FBXL7: variants seen among roughly 807,000 people sequenced by gnomAD.
FBXL7 encodes F-box and leucine rich repeat protein 7.
Under a neutral mutation model 38.3 loss-of-function variants are expected in FBXL7, and 12 were observed. That is an observed-to-expected ratio of 0.31 (90% CI 0.20 to 0.51). The LOEUF (loss-of-function observed/expected upper bound fraction) is 0.51. Among genes scored for constraint, FBXL7 ranks in the 20% least tolerant of loss-of-function variants. The probability of loss-of-function intolerance (pLI) is 0.98; values close to 1 mark genes in which losing one functional copy is unlikely to be tolerated. For missense variants in FBXL7, 567 were observed against 676.4 expected (o/e 0.84, Z 1.79); for synonymous variants, 297 against 300.9 (o/e 0.99, Z 0.13).
At chr5:15,878,831 T>C (rs1442561957) in intron 2 of FBXL7, among the ~76,000 whole-genome samples, 2 of 152,206 alleles carry the variant, frequency 1.3e-5, no homozygotes, top group Non-Finnish European at 2.9e-5. Context: ...CTTCTCACTT[T>C]TCAAGCTGCC....
intron 2 of FBXL7, among the ~76,000 whole-genome samples, chr5:15,787,328 G>A (rs776556234): frequency 5.9e-5 from 9 of 152,104 alleles, no homozygotes; most frequent in Non-Finnish European, 1.0e-4. Context: ...AAATATAGAC[G>A]TGAAGGGGAA....
intron 1 of FBXL7, among the ~76,000 whole-genome samples, chr5:15,599,516 G>A (rs896147537): frequency 5.3e-5 from 8 of 152,202 alleles, no homozygotes; most frequent in South Asian, 2.1e-4. Context: ...GTTTGGGATT[G>A]TAAAGTGGTT....
At chr5:15,714,625 C>A (rs1743982558) in intron 2 of FBXL7, among the ~76,000 whole-genome samples, 1 of 152,020 alleles carries the variant, frequency 6.6e-6, no homozygotes, top group Admixed American at 6.6e-5. Context: ...GAGGCCGAGG[C>A]GGGTGGATCA....
chr5:15,765,492 G>A (rs1736563711), intron 2 of FBXL7, among the ~76,000 whole-genome samples: 1 of 152,108 alleles, frequency 6.6e-6, no homozygotes, highest in Non-Finnish European at 1.5e-5. Flanking sequence ...ATGACACCAG[G>A]TTCTCTGAAT....
intron 2 of FBXL7, among the ~76,000 whole-genome samples, chr5:15,629,262 C>G (rs1216885662): frequency 6.6e-6 from 1 of 152,034 alleles, no homozygotes; most frequent in Admixed American, 6.6e-5. Context: ...GAAACAGACT[C>G]AGATCCATAC....
At chr5:15,575,423 CAA>C (rs765451112) in intron 1 of FBXL7, among the ~76,000 whole-genome samples, 19 of 152,236 alleles carry the variant, frequency 1.2e-4, no homozygotes, top group African/African-American at 3.4e-4. Context: ...ATCACACAAA[CAA>C]GAGTGTTTTC....
chr5:15,837,601 T>C (rs1460327054), intron 2 of FBXL7, among the ~76,000 whole-genome samples: 3 of 152,224 alleles, frequency 2.0e-5, no homozygotes, highest in African/African-American at 2.4e-5. Flanking sequence ...AGCCAAATTC[T>C]AGATAGAGCT....
chr5:15,625,700 A>C (rs1240495670), intron 2 of FBXL7, among the ~76,000 whole-genome samples: 2 of 152,168 alleles, frequency 1.3e-5, no homozygotes, highest in Non-Finnish European at 2.9e-5. Flanking sequence ...AGCCAAATCA[A>C]AACTAAAACC....
intron 2 of FBXL7, among the ~76,000 whole-genome samples, chr5:15,733,958 T>C (rs916069546): frequency 6.6e-6 from 1 of 151,962 alleles, no homozygotes; most frequent in African/African-American, 2.4e-5. Flanking sequence ...AATACAAAAA[T>C]TACCTGGGCT....
At chr5:15,598,738 T>A (rs1399630593) in intron 1 of FBXL7, among the ~76,000 whole-genome samples, 2 of 152,206 alleles carry the variant, frequency 1.3e-5, no homozygotes, top group Non-Finnish European at 2.9e-5. Flanking sequence ...TCTTTACCAA[T>A]GAATAACTTT....
At position 15,818,731 on chromosome 5, in the gene FBXL7, TGTGTGTGTGTGTGAGA is replaced by T. The variant is rs1484766218; in HGVS notation, c.128-109157_128-109142del. On this transcript the variant is annotated intron_variant, in intron 2 of 3. Transcript: ENST00000504595. The stretch of plus-strand genomic sequence containing the variant: ...GTGTGTGTGTGTGTGTGTGTGTGTG[TGTGTGTGTGTGTGAGA>T]GAGAGAGAGATTTAAAATTCCCATG... Among the ~76,000 whole-genome samples, 157 of 91,818 alleles carry T rather than the reference TGTGTGTGTGTGTGAGA, an allele frequency of 1.7e-3. 1 individual carries two copies. Among genetic ancestry groups the T allele is most frequent in the African/African-American group, 5.0e-3 (142 of 28,288 alleles). 60.2% of individuals were successfully genotyped at this position (91,818 alleles called of 152,430 possible).
chr5:15,834,629 T>C (rs147390105), intron 2 of FBXL7, among the ~76,000 whole-genome samples: 1 of 152,190 alleles, frequency 6.6e-6, no homozygotes, highest in Admixed American at 6.5e-5. Context: ...CTCCAGACAA[T>C]CTTAAATGCA....
intron 2 of FBXL7, among the ~76,000 whole-genome samples, chr5:15,885,513 C>A (rs1561173048): frequency 6.6e-6 from 1 of 152,128 alleles, no homozygotes; most frequent in Non-Finnish European, 1.5e-5. Flanking sequence ...CAGGGAGCAC[C>A]TACCACAAAC....
At chr5:15,829,069 G>A (rs978316083) in intron 2 of FBXL7, among the ~76,000 whole-genome samples, 6 of 152,162 alleles carry the variant, frequency 3.9e-5, no homozygotes, top group African/African-American at 1.4e-4. Context: ...TGAAGCCCAG[G>A]TCACTGCCCC....
intron 2 of FBXL7, among the ~76,000 whole-genome samples, chr5:15,705,869 T>A (rs1008137513): frequency 6.6e-6 from 1 of 152,112 alleles, no homozygotes; most frequent in Non-Finnish European, 1.5e-5. Context: ...TAAATTTTTT[T>A]AACAATAAAT....
intron 2 of FBXL7, among the ~76,000 whole-genome samples, chr5:15,868,967 C>T (rs1228136881): frequency 6.6e-6 from 1 of 152,152 alleles, no homozygotes; most frequent in Non-Finnish European, 1.5e-5. Context: ...TACGTACTTA[C>T]TCTCTCACTG....
intron 2 of FBXL7, among the ~76,000 whole-genome samples, chr5:15,925,286 C>T (rs766780434): frequency 6.6e-6 from 1 of 152,076 alleles, no homozygotes; most frequent in Non-Finnish European, 1.5e-5. Context: ...GGATCCTATC[C>T]CAAAGACAGG....
At chr5:15,902,855 A>G (rs1404852726) in intron 2 of FBXL7, among the ~76,000 whole-genome samples, 3 of 152,252 alleles carry the variant, frequency 2.0e-5, no homozygotes, top group Non-Finnish European at 4.4e-5. Flanking sequence ...AGCACAGTGC[A>G]GCCTCTTGGC....
intron 2 of FBXL7, among the ~76,000 whole-genome samples, chr5:15,853,859 T>C (rs998738500): frequency 1.3e-5 from 2 of 152,220 alleles, no homozygotes; most frequent in African/African-American, 2.4e-5. Context: ...TTGTGGAGTT[T>C]GAATTTGTTC....
Sources: allele counts gnomAD v4.1 joint callset (sites outside exome capture counted in the v4.1 genomes callset), GRCh38; gene constraint gnomAD v4.1.1; transcripts MANE v1.5; gene names NCBI Gene and HGNC (gene_info 2026-07-23, HGNC 2026-07-21).